EGLN1: variants seen among roughly 807,000 people sequenced by gnomAD.
EGLN1 encodes egl nine homolog 1.
A neutral mutation model predicts 38.3 loss-of-function variants in EGLN1; 17 were observed. The observed-to-expected ratio is 0.44, with a 90% CI of 0.30 to 0.67. The LOEUF (loss-of-function observed/expected upper bound fraction) is 0.67, where lower values mean the gene tolerates loss of function less well. Ranked by LOEUF, EGLN1 falls within the 30% of genes least tolerant of loss-of-function variation. The pLI is 0.08. For missense variants in EGLN1, 477 were observed against 603.3 expected (o/e 0.79, Z 2.19); for synonymous variants, 283 against 257.5 (o/e 1.10, Z -0.95).
chr1:231,390,744 G>C (rs2739511), intron 1 of EGLN1, among the ~76,000 whole-genome samples: 81,863 of 152,158 alleles, frequency 0.54, 23,556 homozygotes, highest in Non-Finnish European at 0.64. Context: ...GAGGAAAGAA[G>C]AGCATAAGGC....
Position 231,403,037 on chromosome 1 carries a change from CAT to C in EGLN1, c.891+17959_891+17960del, listed in dbSNP as rs112046593. Among the ~76,000 whole-genome samples the C allele has an allele frequency of 3.5e-3, 530 of 152,208 alleles. 2 individuals are homozygous for C. Among genetic ancestry groups the C allele is most frequent in the Non-Finnish European group, 5.2e-3 (352 of 68,020 alleles). On this transcript the variant is annotated intron_variant, in intron 1 of 4. Transcript: ENST00000366641. ...TTAGAAATTCGCTGTTTAATTTCCACATATGAGATTTTCAAAATTTCATTTTA... is the reference window on the plus strand; with the variant it reads ...TTAGAAATTCGCTGTTTAATTTCCACATGAGATTTTCAAAATTTCATTTTA...
At chr1:231,403,819 A>G (rs981133076) in intron 1 of EGLN1, among the ~76,000 whole-genome samples, 2 of 151,418 alleles carry the variant, frequency 1.3e-5, no homozygotes, top group African/African-American at 4.8e-5. Flanking sequence ...ATATATATGC[A>G]ATTCCCAAAC....
At chr1:231,419,964 A>C (rs1656513012) in intron 1 of EGLN1, among the ~76,000 whole-genome samples, 1 of 152,194 alleles carries the variant, frequency 6.6e-6, no homozygotes, top group African/African-American at 2.4e-5. Flanking sequence ...AAAATCAGAG[A>C]CTGATGGTGG....
intron 1 of EGLN1, among the ~76,000 whole-genome samples, chr1:231,379,387 C>T (rs980820063): frequency 6.6e-6 from 1 of 152,188 alleles, no homozygotes; most frequent in African/African-American, 2.4e-5. Flanking sequence ...TAAGTTTCTA[C>T]AGCATATTTG....
intron 2 of EGLN1, among the ~76,000 whole-genome samples, chr1:231,373,677 C>CGTGTGT (rs60871560): frequency 1.1e-5 from 1 of 91,242 alleles, no homozygotes. Flanking sequence ...CTCGTGTGTG[C>CGTGTGT]GTGTGTGTGT....
chr1:231,372,563 A>T (rs1558379022), intron 2 of EGLN1, among the ~76,000 whole-genome samples: 1 of 152,224 alleles, frequency 6.6e-6, no homozygotes, highest in Non-Finnish European at 1.5e-5. Flanking sequence ...TTAAATTTTA[A>T]CTAAAGTTAC....
Position 231,421,225 on chromosome 1 carries a change from T to TCTG in EGLN1, c.661_663dup (p.Gln221dup). 1 of 1,613,982 alleles carries TCTG rather than the reference T, an allele frequency of 6.2e-7. No individual in the cohort carries two copies. Among genetic ancestry groups the TCTG allele is most frequent in the Non-Finnish European group, 8.5e-7 (1 of 1,180,032 alleles). On this transcript the variant is annotated inframe_insertion, in exon 1 of 5. Transcript: ENST00000366641. This position sits in a 1 kb window ranked among gnomAD's most constrained non-coding sequence, Gnocchi z 5.5. ...TGCAGGGCGCGCACCTCGTCGCCGATCTGCTGTCCGGTCTCCTTGCCGAGG... is the reference window on the plus strand; with the variant it reads ...TGCAGGGCGCGCACCTCGTCGCCGATCTGCTGCTGTCCGGTCTCCTTGCCGAGG...
intron 1 of EGLN1, among the ~76,000 whole-genome samples, chr1:231,398,672 A>T (rs938500037): frequency 1.3e-5 from 2 of 152,202 alleles, no homozygotes; most frequent in Non-Finnish European, 2.9e-5. Context: ...ATCTGATAAG[A>T]GAGAAAGATG....
chr1:231,396,498 T>C (rs1688534541), intron 1 of EGLN1, among the ~76,000 whole-genome samples: 1 of 152,038 alleles, frequency 6.6e-6, no homozygotes, highest in Non-Finnish European at 1.5e-5. Context: ...GAGATCCACC[T>C]CCCTCAGCCT....
chr1:231,403,267 T>C (rs147888505), intron 1 of EGLN1, among the ~76,000 whole-genome samples: 1 of 152,180 alleles, frequency 6.6e-6, no homozygotes, highest in Non-Finnish European at 1.5e-5. Flanking sequence ...TGGTTGATAG[T>C]GTTAGAATCT....
intron 1 of EGLN1, among the ~76,000 whole-genome samples, chr1:231,401,612 C>T (rs916381955): frequency 1.3e-5 from 2 of 152,122 alleles, no homozygotes; most frequent in African/African-American, 4.8e-5. Context: ...ATTTTTAACT[C>T]AGCATGATGT....
chr1:231,370,570 A>G lies in EGLN1; in HGVS notation c.1140T>C (p.Tyr380=), dbSNP rs1473161240. 2 of 1,613,650 alleles carry G rather than the reference A, an allele frequency of 1.2e-6. No individual in the cohort carries two copies. The highest frequency in any genetic ancestry group is 2.7e-5 in the African/African-American group (2 of 74,914). The change falls in exon 3 of 5, where the codon TAT becomes TAC. Residue 380 remains tyrosine, a synonymous_variant. Coordinates refer to ENST00000366641, the MANE Select transcript of EGLN1 (RefSeq NM_022051.3). ...RRNPHEVQPA[Y]ATRYAITVWY... is the part of the protein sequence containing the mutation. Reference sequence around the variant, plus strand: ...CTGAAAAGGAATACTACCTTGTAGCATATGCTGGTTGTACTTCATGAGGGT... The same window carrying G: ...CTGAAAAGGAATACTACCTTGTAGCGTATGCTGGTTGTACTTCATGAGGGT...
At position 231,421,326 on chromosome 1, in the gene EGLN1, A is replaced by C. The variant is rs1656584283; in HGVS notation, c.563T>G (p.Leu188Arg). The change falls in exon 1 of 5, where the codon CTG becomes CGG. Residue 188 changes from leucine to arginine, a missense_variant. Leu to Arg is a moderately radical substitution (Grantham distance 102). This residue lies in a region of EGLN1 where 298 missense variants were observed against 288.9 expected (regional missense o/e 1.03). Coordinates refer to ENST00000366641, the MANE Select transcript of EGLN1 (RefSeq NM_022051.3). This position sits in a 1 kb window ranked among gnomAD's most constrained non-coding sequence, Gnocchi z 5.5. ...GLRPNGQTKPLPALKLALEYI... is the reference protein window; with the variant it reads ...GLRPNGQTKPRPALKLALEYI... ...CTCGAGCGCCAGCTTCAGCGCCGGC[A>C]GGGGCTTCGTCTGCCCGTTGGGCCG... 6.2e-7 allele frequency: 1 copy of C among 1,611,986 alleles called. No individual in the cohort carries two copies. The highest frequency in any genetic ancestry group is 2.2e-5 in the East Asian group (1 of 44,858).
rs761654372 is a variant in EGLN1, at chr1:231,420,992, A to G, written c.891+6T>C. 6.2e-7 allele frequency: 1 copy of G among 1,613,164 alleles called. No individual in the cohort carries two copies. Among genetic ancestry groups the G allele is most frequent in the Non-Finnish European group, 8.5e-7 (1 of 1,179,918 alleles). On this transcript the variant is annotated splice_donor_region_variant and intron_variant, in intron 1 of 4. Coordinates refer to ENST00000366641, the MANE Select transcript of EGLN1 (RefSeq NM_022051.3). Reference sequence around the variant, plus strand: ...TGTCCAGCACAAACCCGCAGCACACACTTACTTTCGTCCGGCCATTGATTT... The same window carrying G: ...TGTCCAGCACAAACCCGCAGCACACGCTTACTTTCGTCCGGCCATTGATTT...
At chr1:231,381,014 G>T (rs1477877158) in intron 1 of EGLN1, among the ~76,000 whole-genome samples, 1 of 152,034 alleles carries the variant, frequency 6.6e-6, no homozygotes, top group East Asian at 1.9e-4. Context: ...TGAACATCTG[G>T]GATCAAGCAA....
intron 1 of EGLN1, among the ~76,000 whole-genome samples, chr1:231,389,406 GAAAA>G (rs112313323): frequency 1.1e-4 from 17 of 150,016 alleles, no homozygotes; most frequent in Admixed American, 3.3e-4. Context: ...TTGACAAAAT[GAAAA>G]AAAATTTTTT....
intron 2 of EGLN1, among the ~76,000 whole-genome samples, chr1:231,373,687 TG>T (rs1687885958): frequency 6.7e-6 from 1 of 149,422 alleles, no homozygotes; most frequent in African/African-American, 2.6e-5. Flanking sequence ...CGTGTGTGTG[TG>T]TGTGTGTGTG....
chr1:231,394,010 T>C (rs1688456313), intron 1 of EGLN1, among the ~76,000 whole-genome samples: 1 of 152,210 alleles, frequency 6.6e-6, no homozygotes, highest in African/African-American at 2.4e-5. Flanking sequence ...TGTAGCCTTT[T>C]CATTGGCTTG....
chr1:231,376,477 T>C (rs943515865), intron 1 of EGLN1, among the ~76,000 whole-genome samples: 6 of 152,230 alleles, frequency 3.9e-5, no homozygotes, highest in African/African-American at 1.4e-4. Context: ...AATTGTCCTA[T>C]TTTACTGTTG....
Sources: allele counts gnomAD v4.1 joint callset (sites outside exome capture counted in the v4.1 genomes callset), GRCh38; gene constraint gnomAD v4.1.1; regional missense constraint gnomAD v4.1.1; non-coding constraint Gnocchi (gnomAD v3.1); transcripts MANE v1.5; gene names NCBI Gene and HGNC (gene_info 2026-07-23, HGNC 2026-07-21).